OR3A2: variants seen among roughly 807,000 people sequenced by gnomAD.
The protein encoded by OR3A2 is olfactory receptor 3A2.
For missense variants in OR3A2, 318 were observed against 392.8 expected (o/e 0.81, Z 1.61); for synonymous variants, 126 against 159.3 (o/e 0.79, Z 1.57).
intron 2 of OR3A2, among the ~76,000 whole-genome samples, chr17:3,355,118 CTTA>C (rs1231527709): frequency 5.9e-5 from 9 of 151,324 alleles, no homozygotes; most frequent in Admixed American, 2.0e-4. Context: ...CAAAATTCTT[CTTA>C]TTATTGATTT....
intron 1 of OR3A2, among the ~76,000 whole-genome samples, chr17:3,385,468 TAGAGG>T (rs2049769801): frequency 6.6e-6 from 1 of 152,098 alleles, no homozygotes; most frequent in African/African-American, 2.4e-5. Flanking sequence ...GATAGATAGA[TAGAGG>T]AGTTTGGATA....
intron 2 of OR3A2, among the ~76,000 whole-genome samples, chr17:3,373,870 T>C (rs569978360): frequency 6.6e-6 from 1 of 152,154 alleles, no homozygotes. Context: ...GTTTCTTTTT[T>C]ATTGTGTTAT....
intron 2 of OR3A2, among the ~76,000 whole-genome samples, chr17:3,367,185 CTT>C (rs149597741): frequency 0.014 from 2,089 of 152,288 alleles, 35 homozygotes; most frequent in African/African-American, 0.046. Context: ...AGTTCTGTGA[CTT>C]TTGGCAATTT....
chr17:3,320,247 A>T (rs1159774426), intron 3 of OR3A2, among the ~76,000 whole-genome samples: 2 of 150,862 alleles, frequency 1.3e-5, no homozygotes, highest in African/African-American at 2.4e-5. Context: ...CTTGTAAATT[A>T]GTTTGAGTTC....
intron 2 of OR3A2, among the ~76,000 whole-genome samples, chr17:3,371,425 A>C (rs1422007924): frequency 6.3e-5 from 7 of 110,808 alleles, no homozygotes; most frequent in Admixed American, 1.9e-4. Flanking sequence ...CAGGGGGCTG[A>C]CCCCCCCACC....
At chr17:3,329,351 T>C (rs1173272841) in intron 3 of OR3A2, among the ~76,000 whole-genome samples, 1 of 150,392 alleles carries the variant, frequency 6.6e-6, no homozygotes, top group East Asian at 1.9e-4. Context: ...TGGACTCTTT[T>C]TGGTTGGTAA....
At chr17:3,371,429 C>G (rs1392534130) in intron 2 of OR3A2, among the ~76,000 whole-genome samples, 1 of 141,572 alleles carries the variant, frequency 7.1e-6, no homozygotes, top group East Asian at 3.1e-4. Flanking sequence ...GGGCTGACCC[C>G]CCCACCTCCC....
At chr17:3,282,355 G>C (rs2048781980) in intron 1 of OR3A2, among the ~76,000 whole-genome samples, 1 of 152,192 alleles carries the variant, frequency 6.6e-6, no homozygotes, top group South Asian at 2.1e-4. Context: ...GCAGTGAGCT[G>C]AGATCGCGCC....
At chr17:3,354,457 A>G (rs1434637617) in intron 2 of OR3A2, among the ~76,000 whole-genome samples, 1 of 151,026 alleles carries the variant, frequency 6.6e-6, no homozygotes, top group East Asian at 1.9e-4. Flanking sequence ...CTTTCATCTC[A>G]TTATTATTAT....
intron 1 of OR3A2, 38 bp downstream of exon 1, chr17:3,386,087 G>A: frequency 2.5e-6 from 1 of 398,672 alleles, no homozygotes. Context: ...AGATCCGACG[G>A]GGCCCTCCGC....
In OR3A2 at chr17:3,330,098, C is replaced by A. The variant is rs552945454; in HGVS notation, c.-85+5935G>T. Among the ~76,000 whole-genome samples the A allele has an allele frequency of 3.4e-5, 5 of 146,684 alleles. No individual in the cohort carries two copies. In the East Asian group the frequency reaches 9.7e-4, roughly 28 times the overall value. On this transcript the variant is annotated intron_variant, in intron 3 of 4. Coordinates refer to the OR3A2 transcript ENST00000573491. ...GAGATAGTTTGTTATAATCTCTGTT[C>A]TTTTACATTTGCTGAGGAGAGCTTT... is the stretch of plus-strand genomic sequence containing the variant.
chr17:3,335,039 A>T (rs2049267053), intron 3 of OR3A2, among the ~76,000 whole-genome samples: 1 of 152,176 alleles, frequency 6.6e-6, no homozygotes, highest in African/African-American at 2.4e-5. Context: ...TTGAGAGGCA[A>T]AAGTATAACT....
intron 2 of OR3A2, among the ~76,000 whole-genome samples, chr17:3,353,943 G>C (rs2049442009): frequency 6.6e-6 from 1 of 151,048 alleles, no homozygotes; most frequent in African/African-American, 2.4e-5. Flanking sequence ...ACCATTCCCA[G>C]CTCCATGGTT....
intron 2 of OR3A2, among the ~76,000 whole-genome samples, chr17:3,375,062 T>C (rs543107440): frequency 1.3e-5 from 2 of 151,250 alleles, no homozygotes; most frequent in African/African-American, 4.8e-5. Context: ...TTGGTGTTCA[T>C]CTTTCTCTGG....
At chr17:3,346,674 C>G (rs145602647) in intron 2 of OR3A2, among the ~76,000 whole-genome samples, 1 of 151,762 alleles carries the variant, frequency 6.6e-6, no homozygotes, top group African/African-American at 2.4e-5. Flanking sequence ...ATTATCCATC[C>G]GCACCTCTCC....
intron 2 of OR3A2, among the ~76,000 whole-genome samples, chr17:3,380,928 G>A (rs58364141): frequency 0.15 from 22,969 of 152,200 alleles, 2,316 homozygotes; most frequent in African/African-American, 0.28. Flanking sequence ...TAAGATTCAC[G>A]TGTGTGCCTC....
intron 2 of OR3A2, among the ~76,000 whole-genome samples, chr17:3,371,143 G>C (rs1433301060): frequency 6.6e-6 from 1 of 151,942 alleles, no homozygotes; most frequent in African/African-American, 2.4e-5. Flanking sequence ...ACACCTCCCA[G>C]ACGGGGTGGT....
chr17:3,370,150 G>T (rs2049600574), intron 2 of OR3A2, among the ~76,000 whole-genome samples: 1 of 152,080 alleles, frequency 6.6e-6, no homozygotes, highest in Non-Finnish European at 1.5e-5. Flanking sequence ...AAACCATCTG[G>T]TCCTGGACTT....
At chr17:3,381,529 A>G (rs967771367) in intron 2 of OR3A2, among the ~76,000 whole-genome samples, 3 of 152,134 alleles carry the variant, frequency 2.0e-5, no homozygotes, top group Non-Finnish European at 4.4e-5. Flanking sequence ...CTCAGTCATC[A>G]TATCTCCCCA....
Sources: allele counts gnomAD v4.1 joint callset (sites outside exome capture counted in the v4.1 genomes callset), GRCh38; gene constraint gnomAD v4.1.1; transcripts MANE v1.5; gene names NCBI Gene and HGNC (gene_info 2026-07-23, HGNC 2026-07-21).